CLINT1: variants seen among roughly 807,000 people sequenced by gnomAD.
CLINT1 encodes clathrin interacting protein localized in the trans-Golgi region.
CLINT1 carries 15 observed loss-of-function variants against 70.4 expected under a neutral mutation model. That is an observed-to-expected ratio of 0.21 (90% CI 0.14 to 0.33). The LOEUF is 0.33. Among genes scored for constraint, CLINT1 ranks in the 10% least tolerant of loss-of-function variants. The probability of loss-of-function intolerance (pLI) is 1.00; values close to 1 mark genes in which losing one functional copy is unlikely to be tolerated. For synonymous variants in CLINT1, 227 were observed against 254.7 expected (o/e 0.89, Z 1.04); for missense variants, 615 against 778.1 (o/e 0.79, Z 2.49).
chr5:157,803,744 A>C, intron 7 of CLINT1, 25 bp from the exon 8 acceptor site: 1 of 1,499,604 alleles, frequency 6.7e-7, no homozygotes, highest in Non-Finnish European at 9.0e-7. Context: ...ATAACTCAGG[A>C]GCTTCGAAAA....
chr5:157,839,938 G>C (rs1753093141), intron 1 of CLINT1, among the ~76,000 whole-genome samples: 1 of 151,900 alleles, frequency 6.6e-6, no homozygotes, highest in Non-Finnish European at 1.5e-5. Context: ...AAAGAAAAAA[G>C]AGGAGGTCGG....
intron 9 of CLINT1, among the ~76,000 whole-genome samples, chr5:157,793,622 AG>A (rs1441341299): frequency 2.0e-5 from 3 of 152,224 alleles, no homozygotes; most frequent in Non-Finnish European, 4.4e-5. Flanking sequence ...AGAATTAGAC[AG>A]GGAAGCTATA....
intron 1 of CLINT1, among the ~76,000 whole-genome samples, chr5:157,831,317 T>C (rs1020119847): frequency 2.6e-5 from 4 of 151,310 alleles, no homozygotes; most frequent in African/African-American, 9.7e-5. Context: ...CCTCTGCGAG[T>C]AGCTGGGACT....
chr5:157,797,450 C>T (rs1762101169), intron 8 of CLINT1, among the ~76,000 whole-genome samples: 1 of 152,090 alleles, frequency 6.6e-6, no homozygotes, highest in Non-Finnish European at 1.5e-5. Context: ...CAATGGTGCA[C>T]TCTCAGCTCA....
chr5:157,829,054 A>G (rs1184723358), intron 1 of CLINT1, among the ~76,000 whole-genome samples: 1 of 151,880 alleles, frequency 6.6e-6, no homozygotes, highest in African/African-American at 2.4e-5. Context: ...GTGAGTGGAG[A>G]TCACACCATT....
At chr5:157,804,723 G>A (rs766886504) in intron 7 of CLINT1, among the ~76,000 whole-genome samples, 2 of 152,068 alleles carry the variant, frequency 1.3e-5, no homozygotes, top group African/African-American at 2.4e-5. Flanking sequence ...TCGGGAGTTC[G>A]AGACTAGCCT....
intron 9 of CLINT1, 37 bp from the exon 10 acceptor site, chr5:157,792,032 T>A: frequency 1.9e-6 from 3 of 1,558,076 alleles, no homozygotes; most frequent in Non-Finnish European, 2.6e-6. Flanking sequence ...AGAAACTTCA[T>A]GGAATGCACA....
chr5:157,809,770 C>G lies in CLINT1; in HGVS notation c.553G>C (p.Asp185His), dbSNP rs780155190. 1 of 1,613,072 alleles carries G rather than the reference C, an allele frequency of 6.2e-7. No individual in the cohort carries two copies. The highest frequency in any genetic ancestry group is 8.5e-7 in the Non-Finnish European group (1 of 1,179,504). The stretch of plus-strand genomic sequence containing the variant: ...CTCTTGTTTTTATCCCACTCCTCAT[C>G]CCATTTTGATTTGGGCTCAGGATCA... Reference protein sequence around the residue: ...RYDPEPKSKWDEEWDKNKSAF... With the variant: ...RYDPEPKSKWHEEWDKNKSAF... The change falls in exon 6 of 12, where the codon GAT (aspartate) becomes CAT (histidine). Residue 185 changes from aspartate to histidine, a missense_variant. Asp to His is a moderately conservative substitution (Grantham distance 81). Transcript: ENST00000411809.
At chr5:157,792,371 C>A (rs1761943984) in intron 9 of CLINT1, among the ~76,000 whole-genome samples, 1 of 151,978 alleles carries the variant, frequency 6.6e-6, no homozygotes, top group Non-Finnish European at 1.5e-5. Flanking sequence ...CACGGTGAAA[C>A]CTCATCTCTA....
intron 5 of CLINT1, among the ~76,000 whole-genome samples, chr5:157,811,567 A>G (rs1032316258): frequency 6.6e-6 from 1 of 151,992 alleles, no homozygotes; most frequent in Non-Finnish European, 1.5e-5. Flanking sequence ...AAAAAACACA[A>G]AACTGCTAAG....
At chr5:157,795,202 G>C in intron 8 of CLINT1, 1 of 466,256 alleles carries the variant, frequency 2.1e-6, no homozygotes, top group Non-Finnish European at 3.8e-6. Context: ...AAATGACACT[G>C]TATCTGTTGT....
intron 3 of CLINT1, among the ~76,000 whole-genome samples, chr5:157,815,122 C>T (rs568674363): frequency 7.6e-6 from 1 of 131,726 alleles, no homozygotes; most frequent in Non-Finnish European, 1.6e-5. Context: ...TTCACACATA[C>T]ACACACACAC....
intron 3 of CLINT1, among the ~76,000 whole-genome samples, chr5:157,815,194 G>A (rs553803490): frequency 2.0e-5 from 3 of 151,814 alleles, no homozygotes; most frequent in African/African-American, 7.3e-5. Context: ...TAGCTACTTA[G>A]GAGGTTGAGG....
intron 5 of CLINT1, among the ~76,000 whole-genome samples, chr5:157,810,770 A>T (rs1409552793): frequency 6.6e-6 from 1 of 152,234 alleles, no homozygotes; most frequent in African/African-American, 2.4e-5. Context: ...GGTTGGAAGA[A>T]AATGAAAAGG....
chr5:157,853,777 CAAAAAAAAAAAAAAAA>C (rs11316474), intron 1 of CLINT1, among the ~76,000 whole-genome samples: 5 of 48,048 alleles, frequency 1.0e-4, no homozygotes, highest in African/African-American at 1.5e-4. Context: ...GACACCATCT[CAAAAAAAAAAAAAAAA>C]AAAAAAAAAG....
intron 1 of CLINT1, among the ~76,000 whole-genome samples, chr5:157,819,059 A>G (rs1238634577): frequency 2.0e-5 from 3 of 152,202 alleles, no homozygotes; most frequent in African/African-American, 4.8e-5. Context: ...AAAAACTTCT[A>G]TTTTTAAAAT....
chr5:157,819,078 T>A (rs1762805805), intron 1 of CLINT1, among the ~76,000 whole-genome samples: 2 of 152,172 alleles, frequency 1.3e-5, no homozygotes, highest in Non-Finnish European at 2.9e-5. Context: ...ATAAGGAAGG[T>A]TTGGTTGAAA....
At chr5:157,841,268 AAAAAG>A (rs1202128247) in intron 1 of CLINT1, among the ~76,000 whole-genome samples, 1 of 151,694 alleles carries the variant, frequency 6.6e-6, no homozygotes, top group Non-Finnish European at 1.5e-5. Context: ...CCCGTGTTTA[AAAAAG>A]AAAAGAAAAA....
At chr5:157,825,450 C>A (rs950815327) in intron 1 of CLINT1, among the ~76,000 whole-genome samples, 1 of 152,108 alleles carries the variant, frequency 6.6e-6, no homozygotes, top group Admixed American at 6.5e-5. Flanking sequence ...AAGCAGCTTA[C>A]TACCAGGCTT....
Sources: allele counts gnomAD v4.1 joint callset (sites outside exome capture counted in the v4.1 genomes callset), GRCh38; gene constraint gnomAD v4.1.1; transcripts MANE v1.5; gene names NCBI Gene and HGNC (gene_info 2026-07-23, HGNC 2026-07-21).